The following NOP2 variants were observed in gnomAD, a reference collection of about 807,000 sequenced individuals.
NOP2 encodes the protein 28S rRNA (cytosine(4447)-C(5))-methyltransferase.
In NOP2, 7 loss-of-function variants were observed where a neutral mutation model predicts 72.7. That is an observed-to-expected ratio of 0.10 (90% confidence interval 0.05 to 0.18). NOP2 has a LOEUF of 0.18. Ranked by LOEUF, NOP2 falls within the 10% of genes least tolerant of loss-of-function variation. The probability of loss-of-function intolerance (pLI) is 1.00; values close to 1 mark genes in which losing one functional copy is unlikely to be tolerated. For synonymous variants in NOP2, 387 were observed against 388.0 expected (o/e 1.00, Z 0.03); for missense variants, 954 against 1,014.7 (o/e 0.94, Z 0.81).
At chr12:6,558,020 A>C in intron 15 of NOP2, 2 of 345,758 alleles carry the variant, frequency 5.8e-6, no homozygotes, top group South Asian at 4.4e-5. Flanking sequence ...ACACACCTGT[A>C]ATCCTAGCTA....
At chr12:6,558,205 C>T in intron 15 of NOP2, 1 of 347,718 alleles carries the variant, frequency 2.9e-6, no homozygotes, top group South Asian at 2.1e-5. Context: ...CTACAGGAAG[C>T]TGCGCCCTCT....
At position 6,563,182 on chromosome 12, in the gene NOP2, G is replaced by A. The variant is rs1252308495; in HGVS notation, c.889-12C>T. 1.3e-6 allele frequency: 2 copies of A among 1,577,124 alleles called. No homozygotes were observed. The highest frequency in any genetic ancestry group is 2.3e-5 in the East Asian group (1 of 42,988). On this transcript the variant is annotated splice_polypyrimidine_tract_variant and intron_variant, in intron 8 of 15. Coordinates refer to ENST00000322166, the MANE Select transcript of NOP2 (RefSeq NM_001258308.2). ...AAGAACTCCACCAGCTGCGGGGCAA[G>A]ACAGCAGGGAATAAGTGAGGCTGGC...
rs751070254 is a variant in NOP2, at chr12:6,560,604, A to T, written c.1438-35T>A. 1.9e-6 allele frequency: 3 copies of T among 1,602,774 alleles called. No individual in the cohort carries two copies. The highest frequency in any genetic ancestry group is 3.4e-5 in the Admixed American group (2 of 59,144). On this transcript the variant is annotated intron_variant, in intron 13 of 15. Coordinates refer to ENST00000322166, the MANE Select transcript of NOP2 (RefSeq NM_001258308.2). The surrounding 1 kb of genome is among the most constrained non-coding windows in gnomAD (Gnocchi z 5.0). ...AAAGAGACCCAAAGGCAGCCTCAGG[A>T]GGAGAGGGGAGCCCAGAGGGTGTCC... is the stretch of plus-strand genomic sequence containing the variant.
Position 6,566,787 on chromosome 12 carries a change from CACG to C in NOP2, c.136_138del (p.Arg46del). 6.2e-7 allele frequency: 1 copy of C among 1,613,260 alleles called. No individual in the cohort carries two copies. The highest frequency in any genetic ancestry group is 1.1e-5 in the South Asian group (1 of 90,920). On this transcript the variant is annotated inframe_deletion, in exon 3 of 16. Transcript: ENST00000322166. ...GACACCCACACTTACCTCTTTCGAG[CACG>C]ACTAGACAGCCTCTTGGAATTTTCG...
chr12:6,563,749 T>A lies in NOP2; in HGVS notation c.553A>T (p.Thr185Ser), dbSNP rs773716188. 10 of 1,612,914 alleles carry A rather than the reference T, an allele frequency of 6.2e-6. No homozygotes were observed. The highest frequency in any genetic ancestry group is 8.5e-6 in the Non-Finnish European group (10 of 1,179,512). The change falls in exon 7 of 16, where the codon ACC becomes TCC. Residue 185 changes from threonine (T) to serine (S), a missense_variant. By Grantham distance (58) the Thr-to-Ser change is moderately conservative. Transcript: ENST00000322166. ...AAGIQWSEEETEDEEEEKEVT... is the reference protein window; with the variant it reads ...AAGIQWSEEESEDEEEEKEVT... Reference sequence around the variant, plus strand: ...TCTTTCTCTTCCTCCTCGTCCTCGGTCTCCTCTTCACTCCACTGGATCCTA... The same window carrying A: ...TCTTTCTCTTCCTCCTCGTCCTCGGACTCCTCTTCACTCCACTGGATCCTA...
In NOP2 at chr12:6,563,316, T is replaced by G; in HGVS notation, c.887A>C (p.Glu296Ala). The G allele has an allele frequency of 6.3e-7, 1 of 1,589,046 alleles. No homozygotes were observed. Among genetic ancestry groups the G allele is most frequent in the Non-Finnish European group, 8.6e-7 (1 of 1,167,704 alleles). The change falls in exon 8 of 16, where the codon GAG becomes GCG. Residue 296 changes from glutamate to alanine, a missense_variant and splice_region_variant. By Grantham distance (107) the Glu-to-Ala change is moderately radical (BLOSUM62 -1). Transcript: ENST00000322166. Reference sequence around the variant, plus strand: ...AGAGGCATTCTGGCAATCCAGTACCTCAGACAGAGGGAAGAGGTCCATGAG... The same window carrying G: ...AGAGGCATTCTGGCAATCCAGTACCGCAGACAGAGGGAAGAGGTCCATGAG... ...GKLMDLFPLS[E>A]LVEFLEANEV...
chr12:6,563,178 G>T lies in NOP2; in HGVS notation c.889-8C>A. 1 of 1,579,624 alleles carries T rather than the reference G, an allele frequency of 6.3e-7. No individual in the cohort carries two copies. The highest frequency in any genetic ancestry group is 8.6e-7 in the Non-Finnish European group (1 of 1,162,886). On this transcript the variant is annotated splice_polypyrimidine_tract_variant and splice_region_variant and intron_variant, in intron 8 of 15. Coordinates refer to ENST00000322166, the MANE Select transcript of NOP2 (RefSeq NM_001258308.2). Reference sequence around the variant, plus strand: ...TTCTAAGAACTCCACCAGCTGCGGGGCAAGACAGCAGGGAATAAGTGAGGC... The same window carrying T: ...TTCTAAGAACTCCACCAGCTGCGGGTCAAGACAGCAGGGAATAAGTGAGGC...
chr12:6,566,044 G>C, intron 5 of NOP2, 57 bp downstream of exon 5: 2 of 1,422,072 alleles, frequency 1.4e-6, no homozygotes, highest in Non-Finnish European at 2.0e-6. Context: ...CAAGAATCTG[G>C]GAAAGAAACT....
intron 4 of NOP2, 37 bp from the exon 5 acceptor site, chr12:6,566,373 C>A (rs745785484): frequency 6.4e-7 from 1 of 1,562,564 alleles, no homozygotes; most frequent in South Asian, 1.1e-5. Flanking sequence ...ATGGCAGCCA[C>A]ACATTCCCTG....
intron 11 of NOP2, among the ~76,000 whole-genome samples, chr12:6,561,399 C>T (rs1420882722): frequency 2.6e-5 from 4 of 152,178 alleles, no homozygotes; most frequent in African/African-American, 4.8e-5. Flanking sequence ...ATCATTTTAA[C>T]CCTCACAATC....
At chr12:6,564,071 G>A in intron 5 of NOP2, 125 bp from the exon 6 acceptor site, 1 of 1,532,762 alleles carries the variant, frequency 6.5e-7, no homozygotes, top group Non-Finnish European at 8.7e-7. Context: ...AGGAAATAGA[G>A]GAGCAAAGAA....
At position 6,560,073 on chromosome 12, in the gene NOP2, C is replaced by G; in HGVS notation, c.1789+25G>C. 1 of 1,547,428 alleles carries G rather than the reference C, an allele frequency of 6.5e-7. No individual in the cohort carries two copies. The highest frequency in any genetic ancestry group is 8.9e-7 in the Non-Finnish European group (1 of 1,119,912). On this transcript the variant is annotated intron_variant, in intron 15 of 15. Coordinates refer to ENST00000322166, the MANE Select transcript of NOP2 (RefSeq NM_001258308.2). The surrounding 1 kb of genome is among the most constrained non-coding windows in gnomAD (Gnocchi z 5.0). ...AAGGTGGAAAGAGCAAAGGTGGTGA[C>G]GAAGGGAAGAAAAAGATTACTTACC... is the stretch of plus-strand genomic sequence containing the variant.
At chr12:6,562,614 C>T (rs993274830) in intron 9 of NOP2, among the ~76,000 whole-genome samples, 1 of 152,190 alleles carries the variant, frequency 6.6e-6, no homozygotes, top group African/African-American at 2.4e-5. Flanking sequence ...AATTTAATGA[C>T]ATTGGTTATA....
At chr12:6,559,529 T>C (rs1947591217) in intron 15 of NOP2, among the ~76,000 whole-genome samples, 1 of 152,130 alleles carries the variant, frequency 6.6e-6, no homozygotes. Context: ...CCCAGACAAA[T>C]TCTACTATTT....
intron 5 of NOP2, 180 bp from the exon 6 acceptor site, chr12:6,564,126 T>TA (rs1452158950): frequency 1.3e-6 from 2 of 1,490,184 alleles, no homozygotes; most frequent in Non-Finnish European, 1.8e-6. Context: ...TGAAACTAAG[T>TA]AATGAGGGCA....
At chr12:6,567,685 A>G in intron 2 of NOP2, 131 bp downstream of exon 2, 1 of 692,022 alleles carries the variant, frequency 1.4e-6, no homozygotes, top group Non-Finnish European at 2.4e-6. Flanking sequence ...TGTTTCATTC[A>G]TACCTCCTAG....
chr12:6,560,240 T>C lies in NOP2; in HGVS notation c.1647A>G (p.Glu549=), dbSNP rs766669722. 2 of 1,613,890 alleles carry C rather than the reference T, an allele frequency of 1.2e-6. No individual in the cohort carries two copies. Among genetic ancestry groups the C allele is most frequent in the African/African-American group, 2.7e-5 (2 of 74,940 alleles). ...LVPTGLDFGQ[E]GFTRFRERRF... ...GCCTTTCTCGAAAGCGGGTAAAACC[T>C]TCCTGGCCAAAGTCTAGGCCCGTGG... The change falls in exon 15 of 16, where the codon GAA becomes GAG. Residue 549 remains glutamate (E), a synonymous_variant. Coordinates refer to ENST00000322166, the MANE Select transcript of NOP2 (RefSeq NM_001258308.2). The surrounding 1 kb of genome is among the most constrained non-coding windows in gnomAD (Gnocchi z 5.0).
chr12:6,558,196 T>C (rs1947554223), intron 15 of NOP2: 1 of 358,520 alleles, frequency 2.8e-6, no homozygotes, highest in South Asian at 2.1e-5. Context: ...AAAAGGTTTC[T>C]ACAGGAAGCT....
In NOP2 at chr12:6,563,742, T is replaced by A; in HGVS notation, c.560A>T (p.Asp187Val). The A allele has an allele frequency of 6.2e-7, 1 of 1,613,258 alleles. No individual in the cohort carries two copies. The highest frequency in any genetic ancestry group is 8.5e-7 in the Non-Finnish European group (1 of 1,179,590). Residue 187 changes from aspartate to valine, a missense_variant, in exon 7 of 16, where the codon GAC becomes GTC. Physicochemically the swap from Asp to Val is radical, Grantham distance 152. Coordinates refer to ENST00000322166, the MANE Select transcript of NOP2 (RefSeq NM_001258308.2). ...GIQWSEEETEDEEEEKEVTPE... is the reference protein window; with the variant it reads ...GIQWSEEETEVEEEEKEVTPE... ...GGTCACTTCTTTCTCTTCCTCCTCG[T>A]CCTCGGTCTCCTCTTCACTCCACTG...
Sources: gnomAD v4.1 joint callset for allele counts (sites outside exome capture counted in the v4.1 genomes callset) on GRCh38, gnomAD v4.1.1 for gene constraint, Gnocchi (gnomAD v3.1) non-coding constraint, MANE v1.5 for transcripts, NCBI Gene and HGNC (gene_info 2026-07-23, HGNC 2026-07-21) for gene names.